ADGRG7: variants seen among roughly 807,000 people sequenced by gnomAD.
The protein encoded by ADGRG7 is G-protein coupled receptor 128.
ADGRG7 carries 82 observed loss-of-function variants against 88.6 expected under a neutral mutation model. That is an observed-to-expected ratio of 0.93 (90% confidence interval 0.77 to 1.11). ADGRG7 has a LOEUF of 1.11. Among genes scored for constraint, ADGRG7 ranks in the 50% most tolerant of loss-of-function variants. The pLI is 0.00. For synonymous variants in ADGRG7, 381 were observed against 345.2 expected (o/e 1.10, Z -1.15); for missense variants, 945 against 953.4 (o/e 0.99, Z 0.12).
intron 14 of ADGRG7, among the ~76,000 whole-genome samples, chr3:100,667,990 G>C (rs1486735191): frequency 1.3e-5 from 2 of 152,128 alleles, no homozygotes; most frequent in African/African-American, 4.8e-5. Context: ...TATCTGTGTG[G>C]GAGTTTCTCA....
chr3:100,646,301 G>T (rs750301252), intron 9 of ADGRG7, 193 bp downstream of exon 9: 100 of 613,252 alleles, frequency 1.6e-4, no homozygotes, highest in Non-Finnish European at 2.2e-4. Flanking sequence ...TTGAATAAAA[G>T]AAATCTATAG....
At chr3:100,683,600 C>T (rs2094977011) in intron 15 of ADGRG7, among the ~76,000 whole-genome samples, 1 of 152,246 alleles carries the variant, frequency 6.6e-6, no homozygotes, top group African/African-American at 2.4e-5. Flanking sequence ...ACACCCCTCA[C>T]CGCTCCACAC....
chr3:100,659,540 A>G (rs1377651564), intron 13 of ADGRG7, 148 bp from the exon 14 acceptor site: 4 of 602,924 alleles, frequency 6.6e-6, no homozygotes, highest in African/African-American at 3.8e-5. Context: ...CTTGAAAGTC[A>G]TAAGTCATCT....
In ADGRG7 at chr3:100,684,721, T is replaced by C. The variant is rs1397318588; in HGVS notation, c.2137-10023T>C. ...ATTTTATATATTGTGTTATATAAAT[T>C]ATGTTTTTTAGTATAACTTCCTCTA... is the stretch of plus-strand genomic sequence containing the variant. On this transcript the variant is annotated intron_variant, in intron 15 of 15. Transcript: ENST00000273352. 2.0e-5 allele frequency among the ~76,000 whole-genome samples: 3 copies of C among 152,108 alleles called. No individual in the cohort carries two copies. The East Asian group carries it at 5.8e-4, about 29-fold the overall frequency.
intron 6 of ADGRG7, among the ~76,000 whole-genome samples, chr3:100,638,877 C>T (rs1002647976): frequency 6.6e-6 from 1 of 152,022 alleles, no homozygotes; most frequent in Admixed American, 6.6e-5. Flanking sequence ...TTGTCAAAAC[C>T]CTTTTAAAAC....
At chr3:100,670,174 G>C (rs2094956651) in intron 15 of ADGRG7, among the ~76,000 whole-genome samples, 1 of 151,690 alleles carries the variant, frequency 6.6e-6, no homozygotes, top group South Asian at 2.1e-4. Flanking sequence ...ACCATTCCCA[G>C]CCTCTGGTAA....
chr3:100,639,306 C>A (rs1017785987), intron 6 of ADGRG7, among the ~76,000 whole-genome samples: 3 of 152,052 alleles, frequency 2.0e-5, no homozygotes, highest in African/African-American at 7.3e-5. Flanking sequence ...TTTATTTACA[C>A]GACCCATTAT....
chr3:100,691,806 G>A, intron 15 of ADGRG7, among the ~76,000 whole-genome samples: 1 of 151,686 alleles, frequency 6.6e-6, no homozygotes, highest in Non-Finnish European at 1.5e-5. Flanking sequence ...TTTTGTAAAT[G>A]TTTTTGTCCT....
chr3:100,685,707 T>A (rs1223991214), intron 15 of ADGRG7, among the ~76,000 whole-genome samples: 5 of 152,190 alleles, frequency 3.3e-5, no homozygotes, highest in African/African-American at 1.2e-4. Context: ...CATGAACTCA[T>A]CATTTTTTAC....
chr3:100,675,732 T>C (rs987707165), intron 15 of ADGRG7, among the ~76,000 whole-genome samples: 1 of 152,108 alleles, frequency 6.6e-6, no homozygotes, highest in African/African-American at 2.4e-5. Context: ...GAAACCACAG[T>C]TCCTGGGCTT....
intron 15 of ADGRG7, among the ~76,000 whole-genome samples, chr3:100,674,418 A>G (rs1405750427): frequency 1.3e-5 from 2 of 152,192 alleles, no homozygotes; most frequent in Non-Finnish European, 2.9e-5. Context: ...TTTCCAATCC[A>G]TGAACATGGA....
chr3:100,677,155 CTTCTT>C (rs1371155498), intron 15 of ADGRG7, among the ~76,000 whole-genome samples: 1 of 151,904 alleles, frequency 6.6e-6, no homozygotes, highest in African/African-American at 2.4e-5. Context: ...CTGGTCTCCT[CTTCTT>C]TTCTGTCTTC....
intron 9 of ADGRG7, 90 bp downstream of exon 9, chr3:100,646,198 G>C (rs1467503531): frequency 1.1e-4 from 27 of 251,424 alleles, no homozygotes; most frequent in Middle Eastern, 9.5e-4. Flanking sequence ...TAATACAGGG[G>C]AAGAAGAGAA....
At chr3:100,612,704 G>A (rs563054714) in intron 1 of ADGRG7, among the ~76,000 whole-genome samples, 7 of 152,144 alleles carry the variant, frequency 4.6e-5, no homozygotes, top group Admixed American at 2.0e-4. Context: ...CTTCTGGTTC[G>A]TAGAATTTCC....
chr3:100,636,077 C>A (rs1259568602), intron 5 of ADGRG7, among the ~76,000 whole-genome samples: 1 of 152,154 alleles, frequency 6.6e-6, no homozygotes, highest in Non-Finnish European at 1.5e-5. Context: ...TCTTTTGAGA[C>A]AGAGTCTCAT....
At chr3:100,648,929 C>T (rs76156899) in intron 10 of ADGRG7, among the ~76,000 whole-genome samples, 3,416 of 152,098 alleles carry the variant, frequency 0.022, 134 homozygotes, top group African/African-American at 0.079. Flanking sequence ...TATATACACA[C>T]GCAAACATGT....
intron 6 of ADGRG7, among the ~76,000 whole-genome samples, chr3:100,637,780 G>C (rs1240881583): frequency 6.6e-6 from 1 of 152,186 alleles, no homozygotes; most frequent in Non-Finnish European, 1.5e-5. Context: ...AGGACATACT[G>C]CCATCCCCCA....
At position 100,674,988 on chromosome 3, in the gene ADGRG7, T is replaced by C. The variant is rs182811130; in HGVS notation, c.2136+5883T>C. ...TGAATTTATCCATTCTAATCTTTTT[T>C]TTTTCTTGTGGAGTCTAGTTTTCTC... is the stretch of plus-strand genomic sequence containing the variant. On this transcript the variant is annotated intron_variant, in intron 15 of 15. Coordinates refer to ENST00000273352, the MANE Select transcript of ADGRG7 (RefSeq NM_032787.3). Among the ~76,000 whole-genome samples, 8 of 152,332 alleles carry C rather than the reference T, an allele frequency of 5.3e-5. No individual in the cohort carries two copies. In the East Asian group the frequency reaches 1.5e-3, roughly 29 times the overall value.
At chr3:100,614,923 A>G (rs1422790844) in intron 1 of ADGRG7, among the ~76,000 whole-genome samples, 2 of 152,228 alleles carry the variant, frequency 1.3e-5, no homozygotes, top group African/African-American at 2.4e-5. Context: ...TAGGGCTAAT[A>G]ATTCTAGAAA....
Sources: allele counts gnomAD v4.1 joint callset (sites outside exome capture counted in the v4.1 genomes callset), GRCh38; gene constraint gnomAD v4.1.1; transcripts MANE v1.5; gene names NCBI Gene and HGNC (gene_info 2026-07-23, HGNC 2026-07-21).